Variants in SAR1B observed in about 807,000 individuals in gnomAD.
SAR1B encodes small COPII coat GTPase SAR1B.
A neutral mutation model predicts 26.8 loss-of-function variants in SAR1B; 23 were observed. That is an observed-to-expected ratio of 0.86 (90% CI 0.62 to 1.22). SAR1B has a LOEUF of 1.22. Among genes scored for constraint, SAR1B ranks in the 50% most tolerant of loss-of-function variants. The probability of loss-of-function intolerance (pLI) is 0.00; values close to 1 mark genes in which losing one functional copy is unlikely to be tolerated. For missense variants in SAR1B, 196 were observed against 232.8 expected (o/e 0.84, Z 1.03); for synonymous variants, 65 against 80.8 (o/e 0.80, Z 1.05).
At chr5:134,630,710 G>A (rs1765585177) in intron 1 of SAR1B, among the ~76,000 whole-genome samples, 1 of 149,284 alleles carries the variant, frequency 6.7e-6, no homozygotes, top group Admixed American at 6.7e-5. Context: ...TTGAACCCTG[G>A]AGGTGGAGGT....
intron 3 of SAR1B, among the ~76,000 whole-genome samples, 168 bp downstream of exon 3, chr5:134,620,765 G>T (rs1765392794): frequency 6.6e-6 from 1 of 152,086 alleles, no homozygotes; most frequent in Non-Finnish European, 1.5e-5. Context: ...GAGACGGGAG[G>T]ATGGCTTAAG....
intron 2 of SAR1B, among the ~76,000 whole-genome samples, chr5:134,621,866 A>T (rs1431087846): frequency 6.6e-6 from 1 of 152,128 alleles, no homozygotes; most frequent in African/African-American, 2.4e-5. Context: ...CCTCCTGAGT[A>T]GCTGAGACTA....
intron 3 of SAR1B, among the ~76,000 whole-genome samples, chr5:134,616,989 T>A (rs1338727418): frequency 6.6e-6 from 1 of 152,176 alleles, no homozygotes; most frequent in East Asian, 1.9e-4. Context: ...CCCAGCACTT[T>A]GGGAGGCTGG....
intron 2 of SAR1B, among the ~76,000 whole-genome samples, chr5:134,622,441 C>A (rs963535912): frequency 2.1e-5 from 3 of 144,236 alleles, no homozygotes; most frequent in Non-Finnish European, 3.0e-5. Context: ...GACGGAGTCT[C>A]GCTCTGTCAC....
rs1228928176 is a variant in SAR1B at position 134,601,772 on chromosome 5, C to G, written c.*5178G>C. 6.6e-6 allele frequency: 1 copy of G among 152,186 alleles called. No homozygotes were observed. The highest frequency in any genetic ancestry group is 2.4e-5 in the African/African-American group (1 of 41,442). The allele number at this position is 152,186 out of a possible 1,614,324, so 9.4% of individuals were successfully genotyped here. A position where few individuals can be genotyped will look rare whatever the true frequency, so the allele number is the denominator to read the frequency against. ...ACTTTTAAAATGCATGCTGGCCGGG[C>G]GCAGTGGTTCACGCCTATAATCTAG... On this transcript the variant is annotated 3_prime_UTR_variant, in exon 7 of 7. Coordinates refer to ENST00000402673, the MANE Select transcript of SAR1B (RefSeq NM_016103.4).
At chr5:134,615,849 T>C (rs1025124419) in intron 3 of SAR1B, among the ~76,000 whole-genome samples, 1 of 145,414 alleles carries the variant, frequency 6.9e-6, no homozygotes, top group Non-Finnish European at 1.5e-5. Flanking sequence ...AGAAATTCTG[T>C]ATGTAGGCCA....
intron 3 of SAR1B, among the ~76,000 whole-genome samples, chr5:134,620,294 A>C (rs1408827664): frequency 1.3e-5 from 2 of 151,922 alleles, no homozygotes; most frequent in South Asian, 2.1e-4. Context: ...CGACAGAGTG[A>C]GACTCCACCT....
rs570565591 is a variant in SAR1B at position 134,604,594 on chromosome 5, C to T, written c.*2356G>A. 4.6e-5 allele frequency: 7 copies of T among 152,098 alleles called. No homozygotes were observed. The East Asian group carries it at 5.8e-4, about 13-fold the overall frequency. The allele number at this position is 152,098 out of a possible 1,614,324, so 9.4% of individuals were successfully genotyped here. A position where few individuals can be genotyped will look rare whatever the true frequency, so the allele number is the denominator to read the frequency against. On this transcript the variant is annotated 3_prime_UTR_variant, in exon 7 of 7. Coordinates refer to ENST00000402673, the MANE Select transcript of SAR1B (RefSeq NM_016103.4). ...AAACATGGCTTCCTTTCTAGAGGCT[C>T]GGGCCATAAAAATCTTATGTCTTTG...
intron 2 of SAR1B, 34 bp from the exon 3 acceptor site, chr5:134,621,086 T>C: frequency 6.2e-7 from 1 of 1,603,830 alleles, no homozygotes; most frequent in Non-Finnish European, 8.5e-7. Context: ...GTCAAAGTGA[T>C]ATCTGATACT....
chr5:134,623,875 A>C (rs926344647), intron 2 of SAR1B, 87 bp downstream of exon 2: 1 of 893,516 alleles, frequency 1.1e-6, no homozygotes, highest in Non-Finnish European at 1.9e-6. Flanking sequence ...CTACTGGCTT[A>C]TCTATAAAGA....
rs931197976 is a variant in SAR1B, at chr5:134,603,299, G to A, written c.*3651C>T. On this transcript the variant is annotated 3_prime_UTR_variant, in exon 7 of 7. Coordinates refer to ENST00000402673, the MANE Select transcript of SAR1B (RefSeq NM_016103.4). ...GAGTCACATACCAAATACAGTTTCA[G>A]AAAATGTAAACCTTTCCCCTGAAAC... 3 of 152,168 alleles carry A rather than the reference G, an allele frequency of 2.0e-5. No individual in the cohort carries two copies. Among genetic ancestry groups the A allele is most frequent in the African/African-American group, 7.2e-5 (3 of 41,436 alleles). 9.4% of individuals were successfully genotyped at this position (152,168 alleles called of 1,614,324 possible).
rs1289338227 is a variant in SAR1B, at chr5:134,601,888, A to G, written c.*5062T>C. 6.6e-6 allele frequency: 1 copy of G among 152,164 alleles called. No individual in the cohort carries two copies. The highest frequency in any genetic ancestry group is 1.5e-5 in the Non-Finnish European group (1 of 68,040). The allele number at this position is 152,164 out of a possible 1,614,324, so 9.4% of individuals were successfully genotyped here. A position where few individuals can be genotyped will look rare whatever the true frequency, so the allele number is the denominator to read the frequency against. ...GTGAAACCCTGTCTCTACTAACAATACAAATATTAGCCAGCTGTGGTGGCG... is the reference window on the plus strand; with the variant it reads ...GTGAAACCCTGTCTCTACTAACAATGCAAATATTAGCCAGCTGTGGTGGCG... On this transcript the variant is annotated 3_prime_UTR_variant, in exon 7 of 7. Transcript: ENST00000402673.
chr5:134,620,345 A>T (rs1765385532), intron 3 of SAR1B, among the ~76,000 whole-genome samples: 1 of 152,132 alleles, frequency 6.6e-6, no homozygotes, highest in Non-Finnish European at 1.5e-5. Context: ...CAGGTTATGT[A>T]AACAAGGCGA....
rs1237922113 is a variant in SAR1B, at chr5:134,601,267, C to G, written c.*5683G>C. 6.6e-6 allele frequency: 1 copy of G among 152,060 alleles called. No homozygotes were observed. The highest frequency in any genetic ancestry group is 1.5e-5 in the Non-Finnish European group (1 of 68,004). 9.4% of individuals were successfully genotyped at this position (152,060 alleles called of 1,614,324 possible). A position where few individuals can be genotyped will look rare whatever the true frequency, so the allele number is the denominator to read the frequency against. ...ATAAACACAATTCAAAAACGTTTAA[C>G]CATCTATTATAGCTCTTTGTTGTAA... is the stretch of plus-strand genomic sequence containing the variant. On this transcript the variant is annotated 3_prime_UTR_variant, in exon 7 of 7. Transcript: ENST00000402673.
intron 3 of SAR1B, chr5:134,613,169 C>T: frequency 3.8e-6 from 1 of 261,348 alleles, no homozygotes; most frequent in South Asian, 4.0e-5. Flanking sequence ...CCAATCAGGA[C>T]AAATACAGAA....
chr5:134,611,934 G>A lies in SAR1B; in HGVS notation c.244+757C>T, dbSNP rs560240005. Among the ~76,000 whole-genome samples the A allele has an allele frequency of 2.0e-5, 3 of 151,472 alleles. No individual in the cohort carries two copies. In the East Asian group the frequency reaches 5.9e-4, roughly 30 times the overall value. ...ATCCCAACTTTTGGGAGACTGAGATGAGAGGATTGCTTGAGCCCAGGAGTT... is the reference window on the plus strand; with the variant it reads ...ATCCCAACTTTTGGGAGACTGAGATAAGAGGATTGCTTGAGCCCAGGAGTT... On this transcript the variant is annotated intron_variant, in intron 4 of 6. Transcript: ENST00000402673.
chr5:134,625,400 A>G (rs1290975166), intron 1 of SAR1B, among the ~76,000 whole-genome samples: 1 of 152,198 alleles, frequency 6.6e-6, no homozygotes, highest in African/African-American at 2.4e-5. Flanking sequence ...CAGGATTTTG[A>G]GAGTACTAGT....
At chr5:134,628,694 G>A (rs545295235) in intron 1 of SAR1B, among the ~76,000 whole-genome samples, 7 of 151,544 alleles carry the variant, frequency 4.6e-5, no homozygotes, top group African/African-American at 9.7e-5. Context: ...TCACTCTGTC[G>A]CCCAGGCTGG....
intron 1 of SAR1B, among the ~76,000 whole-genome samples, chr5:134,628,944 A>G (rs1475754115): frequency 6.6e-6 from 1 of 151,798 alleles, no homozygotes; most frequent in Non-Finnish European, 1.5e-5. Flanking sequence ...GTGAGCCACC[A>G]TGCCCGGTAC....
Sources: allele counts gnomAD v4.1 joint callset (sites outside exome capture counted in the v4.1 genomes callset), GRCh38; gene constraint gnomAD v4.1.1; transcripts MANE v1.5; gene names NCBI Gene and HGNC (gene_info 2026-07-23, HGNC 2026-07-21).